Variants in RAB4B observed in about 807,000 individuals in gnomAD.
RAB4B encodes ras-related protein Rab-4B.
A neutral mutation model predicts 28.3 loss-of-function variants in RAB4B; 15 were observed. That is an observed-to-expected ratio of 0.53 (90% confidence interval 0.35 to 0.82). The LOEUF is 0.82. Among genes scored for constraint, RAB4B ranks in the 40% least tolerant of loss-of-function variants. The pLI, the probability that RAB4B is intolerant of heterozygous loss-of-function variation, is 0.01. For missense variants in RAB4B, 244 were observed against 288.5 expected, an observed-to-expected ratio of 0.85 and a Z score of 1.12; for synonymous variants, 108 against 116.3, an observed-to-expected ratio of 0.93 and a Z score of 0.46.
In RAB4B at chr19:40,783,964, C is replaced by T. The variant is rs770414180; in HGVS notation, c.319C>T (p.Arg107Cys). 3 of 1,613,804 alleles carry T rather than the reference C, an allele frequency of 1.9e-6. No individual in the cohort carries two copies. Among genetic ancestry groups the T allele is most frequent in the Non-Finnish European group, 2.5e-6 (3 of 1,179,780 alleles). ...ACTGGCTGCCTGGCTGACGGATGCC[C>T]GCACCCTGGCCAGCCCCAACATCGT... is the stretch of plus-strand genomic sequence containing the variant. ...NSLAAWLTDA[R>C]TLASPNIVVI... Residue 107 changes from arginine to cysteine, a missense_variant, in exon 5 of 8, where the codon CGC becomes TGC. By Grantham distance (180) the Arg-to-Cys change is radical. Coordinates refer to ENST00000357052, the MANE Select transcript of RAB4B (RefSeq NM_016154.5).
rs1190415382 is a variant in RAB4B at position 40,781,308 on chromosome 19, AAATG to A, written c.212+813_212+816del. On this transcript the variant is annotated intron_variant, in intron 3 of 7. Transcript: ENST00000357052. Reference sequence around the variant, plus strand: ...TCTCTGAATAAATAAATAAATAAATAAATGAATAAATAAATAAATAAATAAATAA... The same window carrying A: ...TCTCTGAATAAATAAATAAATAAATAAATAAATAAATAAATAAATAAATAA... Among the ~76,000 whole-genome samples, 386 of 141,422 alleles carry A rather than the reference AAATG, an allele frequency of 2.7e-3. 2 individuals carry two copies. The highest frequency in any genetic ancestry group is 8.9e-3 in the African/African-American group (334 of 37,584). The allele number at this position is 141,422 out of a possible 152,430, so 92.8% of individuals were successfully genotyped here.
chr19:40,791,554 C>A (rs2083159985), intron 7 of RAB4B, among the ~76,000 whole-genome samples: 1 of 151,998 alleles, frequency 6.6e-6, no homozygotes. Flanking sequence ...TCATGCTGGG[C>A]CTCTGCTTGG....
At position 40,780,489 on chromosome 19, in the gene RAB4B, G is replaced by A; in HGVS notation, c.202G>A (p.Glu68Lys). ...ACAGATTTGGGACACGGCTGGCCAGGAGCGGTTTCGGTAGGTGGGCTGGGC... is the reference window on the plus strand; with the variant it reads ...ACAGATTTGGGACACGGCTGGCCAGAAGCGGTTTCGGTAGGTGGGCTGGGC... Reference protein sequence around the residue: ...KLQIWDTAGQERFRSVTRSYY... With the variant: ...KLQIWDTAGQKRFRSVTRSYY... Residue 68 changes from glutamate to lysine, a missense_variant, in exon 3 of 8, where the codon GAG (glutamate) becomes AAG (lysine). By Grantham distance (56) the Glu-to-Lys change is moderately conservative. Coordinates refer to ENST00000357052, the MANE Select transcript of RAB4B (RefSeq NM_016154.5). The A allele has an allele frequency of 6.2e-7, 1 of 1,613,658 alleles. No homozygotes were observed. The highest frequency in any genetic ancestry group is 8.5e-7 in the Non-Finnish European group (1 of 1,179,800).
chr19:40,790,842 C>T (rs897109336), intron 7 of RAB4B, among the ~76,000 whole-genome samples: 1 of 144,994 alleles, frequency 6.9e-6, no homozygotes, highest in African/African-American at 2.5e-5. Context: ...CTGCCACAAC[C>T]AGCTAATTTT....
rs1398289436 is a variant in RAB4B at position 40,783,790 on chromosome 19, G to C, written c.225G>C (p.Arg75=). 2 of 1,558,382 alleles carry C rather than the reference G, an allele frequency of 1.3e-6. No individual in the cohort carries two copies. Among genetic ancestry groups the C allele is most frequent in the Non-Finnish European group, 1.7e-6 (2 of 1,147,746 alleles). The part of the protein sequence containing the change: ...AGQERFRSVT[R]SYYRGAAGAL... ...CCTGGCCCCACAGGTCAGTGACGCG[G>C]AGTTATTACCGAGGGGCGGCTGGAG... Residue 75 remains arginine (R), a synonymous_variant, in exon 4 of 8, where the codon CGG becomes CGC. Coordinates refer to ENST00000357052, the MANE Select transcript of RAB4B (RefSeq NM_016154.5).
intron 5 of RAB4B, among the ~76,000 whole-genome samples, chr19:40,785,342 C>CAAAAAA (rs59914589): frequency 6.0e-5 from 3 of 49,644 alleles, no homozygotes; most frequent in African/African-American, 1.2e-4. Context: ...CCTGCCTCTA[C>CAAAAAA]AAAAAAAAAA....
chr19:40,787,333 G>A (rs959812892), intron 7 of RAB4B, among the ~76,000 whole-genome samples: 41 of 151,994 alleles, frequency 2.7e-4, no homozygotes, highest in African/African-American at 7.2e-4. Context: ...TCAGGAGTTC[G>A]AGACCAGCCT....
chr19:40,785,339 C>T (rs547308649), intron 5 of RAB4B, among the ~76,000 whole-genome samples: 67 of 85,902 alleles, frequency 7.8e-4, no homozygotes, highest in African/African-American at 4.3e-3. Context: ...GACCCTGCCT[C>T]TACAAAAAAA....
At chr19:40,789,240 T>G (rs1036626953) in intron 7 of RAB4B, among the ~76,000 whole-genome samples, 1 of 152,042 alleles carries the variant, frequency 6.6e-6, no homozygotes, top group Non-Finnish European at 1.5e-5. Flanking sequence ...TTCACTCTTG[T>G]TGCCCAGGCT....
At chr19:40,787,412 G>C (rs2083111030) in intron 7 of RAB4B, among the ~76,000 whole-genome samples, 1 of 152,010 alleles carries the variant, frequency 6.6e-6, no homozygotes, top group Admixed American at 6.5e-5. Flanking sequence ...GCAGGTGCCT[G>C]TAATCCCAGC....
chr19:40,781,960 G>A (rs1047441929), intron 3 of RAB4B, among the ~76,000 whole-genome samples: 1 of 149,066 alleles, frequency 6.7e-6, no homozygotes, highest in African/African-American at 2.5e-5. Flanking sequence ...GGCGGAGCTT[G>A]CAGTGAGCCC....
intron 5 of RAB4B, chr19:40,785,625 T>A: frequency 6.6e-6 from 1 of 152,246 alleles, no homozygotes. Flanking sequence ...TTTTGCAACC[T>A]CCAGGTTTAA....
intron 7 of RAB4B, among the ~76,000 whole-genome samples, chr19:40,795,809 A>G (rs4803368): frequency 0.77 from 117,375 of 151,830 alleles, 45,628 homozygotes; most frequent in African/African-American, 0.83. Flanking sequence ...CTGGGTTTAC[A>G]AGATTCTCCT....
At chr19:40,781,934 T>C (rs1259130096) in intron 3 of RAB4B, among the ~76,000 whole-genome samples, 7 of 145,482 alleles carry the variant, frequency 4.8e-5, no homozygotes, top group Non-Finnish European at 8.9e-5. Context: ...GGCAGGAGAA[T>C]GGCATGAACC....
At chr19:40,794,619 C>A (rs1458340477) in intron 7 of RAB4B, 5 of 152,212 alleles carry the variant, frequency 3.3e-5, no homozygotes, top group Admixed American at 2.6e-4. Context: ...TTGGTCAAGA[C>A]CCACCAAACT....
At chr19:40,786,583 C>T (rs2083101237) in intron 5 of RAB4B, 82 bp from the exon 6 acceptor site, 1 of 1,579,698 alleles carries the variant, frequency 6.3e-7, no homozygotes, top group Admixed American at 1.8e-5. Flanking sequence ...ATTGGAGGAA[C>T]AGGATGAGAG....
At chr19:40,791,972 G>C (rs769126950) in intron 7 of RAB4B, among the ~76,000 whole-genome samples, 2 of 152,178 alleles carry the variant, frequency 1.3e-5, no homozygotes, top group Non-Finnish European at 2.9e-5. Context: ...TGCAGGATTT[G>C]GTCCCATCCC....
chr19:40,781,112 T>TAAA (rs941942424), intron 3 of RAB4B, among the ~76,000 whole-genome samples: 15 of 76,622 alleles, frequency 2.0e-4, no homozygotes, highest in African/African-American at 5.5e-4. Context: ...GTGTCTCTAC[T>TAAA]AAAAAAAAAA....
chr19:40,785,155 C>T (rs2083086627), intron 5 of RAB4B, among the ~76,000 whole-genome samples: 1 of 151,758 alleles, frequency 6.6e-6, no homozygotes, highest in Admixed American at 6.6e-5. Context: ...GGGGTAGATC[C>T]TTGAGTAACA....
Sources: gnomAD v4.1 joint callset for allele counts (sites outside exome capture counted in the v4.1 genomes callset) on GRCh38, gnomAD v4.1.1 for gene constraint, MANE v1.5 for transcripts, NCBI Gene and HGNC (gene_info 2026-07-23, HGNC 2026-07-21) for gene names.